The following R3HDM2 variants were observed in gnomAD, a reference collection of about 807,000 sequenced individuals.
R3HDM2 encodes the protein R3H domain containing 2, also known as R3H domain-containing protein 2.
Under a neutral mutation model 124.5 loss-of-function variants are expected in R3HDM2, and 38 were observed. The ratio of observed to expected loss-of-function variants is 0.31; its 90% CI spans 0.24 to 0.40. The LOEUF (loss-of-function observed/expected upper bound fraction) is 0.40. Ranked by LOEUF, R3HDM2 falls within the 10% of genes least tolerant of loss-of-function variation. R3HDM2 has a pLI of 1.00. For synonymous variants in R3HDM2, 391 were observed against 448.0 expected, an observed-to-expected ratio of 0.87 and a Z score of 1.61; for missense variants, 869 against 1,236.9, an observed-to-expected ratio of 0.70 and a Z score of 4.46.
At chr12:57,318,208 C>G (rs1566123593) in intron 2 of R3HDM2, among the ~76,000 whole-genome samples, 1 of 151,678 alleles carries the variant, frequency 6.6e-6, no homozygotes, top group Non-Finnish European at 1.5e-5. Flanking sequence ...AGGAGAATAG[C>G]TTGAACCCAG....
At chr12:57,362,495 A>G (rs1038009240) in intron 2 of R3HDM2, among the ~76,000 whole-genome samples, 1 of 152,214 alleles carries the variant, frequency 6.6e-6, no homozygotes, top group Non-Finnish European at 1.5e-5. Flanking sequence ...TGAACTGTTT[A>G]TGTTACTGGT....
At chr12:57,265,848 G>A (rs1198459837) in intron 19 of R3HDM2, among the ~76,000 whole-genome samples, 1 of 151,590 alleles carries the variant, frequency 6.6e-6, no homozygotes, top group Non-Finnish European at 1.5e-5. Flanking sequence ...CCAGGCTGGA[G>A]TGCAGTGGCG....
At chr12:57,339,314 C>T (rs572258720) in intron 2 of R3HDM2, among the ~76,000 whole-genome samples, 5 of 152,018 alleles carry the variant, frequency 3.3e-5, no homozygotes, top group African/African-American at 7.2e-5. Context: ...CAAATGGAGA[C>T]GTTAAATAAT....
At chr12:57,386,422 G>C (rs1429733473) in intron 2 of R3HDM2, among the ~76,000 whole-genome samples, 1 of 152,240 alleles carries the variant, frequency 6.6e-6, no homozygotes, top group African/African-American at 2.4e-5. Flanking sequence ...AGCCGGCCCC[G>C]CCCACCAGGG....
intron 1 of R3HDM2, among the ~76,000 whole-genome samples, chr12:57,424,313 A>G (rs772470961): frequency 6.6e-6 from 1 of 151,800 alleles, no homozygotes. Context: ...ATGTGATACC[A>G]TAACACCCAG....
chr12:57,414,362 G>A (rs1013119341), intron 1 of R3HDM2, among the ~76,000 whole-genome samples: 5 of 146,812 alleles, frequency 3.4e-5, no homozygotes, highest in East Asian at 2.1e-4. Context: ...ATGGTGATGC[G>A]CACCTGTCAT....
rs927429810 is a variant in R3HDM2, at chr12:57,295,565, G to A, written c.702-58C>T. The A allele has an allele frequency of 1.1e-5, 14 of 1,222,988 alleles. No homozygotes were observed. In the Admixed American group the frequency reaches 2.8e-4, roughly 24 times the overall value. 75.8% of individuals were successfully genotyped at this position (1,222,988 alleles called of 1,614,324 possible). On this transcript the variant is annotated intron_variant, in intron 9 of 23. Transcript: ENST00000402412. ...AGGACAAAGACCGTTTTGTTAGGAA[G>A]CAGACCTATTAGGTACAGCTCTCCT...
chr12:57,371,002 GA>G (rs1448883450), intron 2 of R3HDM2, among the ~76,000 whole-genome samples: 1 of 142,982 alleles, frequency 7.0e-6, no homozygotes, highest in Non-Finnish European at 1.5e-5. Flanking sequence ...AGCAGCAACA[GA>G]AGACCAAAAT....
chr12:57,320,739 C>T (rs1351994718), intron 2 of R3HDM2, among the ~76,000 whole-genome samples: 1 of 151,998 alleles, frequency 6.6e-6, no homozygotes, highest in East Asian at 1.9e-4. Context: ...AGGGTAAGTA[C>T]CTTCCATAAT....
chr12:57,338,766 C>T (rs1213619119), intron 2 of R3HDM2, among the ~76,000 whole-genome samples: 1 of 151,444 alleles, frequency 6.6e-6, no homozygotes, highest in Non-Finnish European at 1.5e-5. Flanking sequence ...TCAAAAATTA[C>T]ATGTGATCTG....
chr12:57,386,844 T>G (rs2065908238), intron 2 of R3HDM2, among the ~76,000 whole-genome samples: 1 of 152,180 alleles, frequency 6.6e-6, no homozygotes. Context: ...CAGCACCCTG[T>G]GTCTAGCTCA....
In R3HDM2 at chr12:57,303,224, G is replaced by T; in HGVS notation, c.166-7C>A. ...CATGGTTAGATGTCCGCCTCTGTTA[G>T]AAGGGAATTGGAAAATATTAAAGGT... On this transcript the variant is annotated splice_polypyrimidine_tract_variant and splice_region_variant and intron_variant, in intron 3 of 23. Coordinates refer to ENST00000402412, the MANE Select transcript of R3HDM2 (RefSeq NM_001394031.1). 6.6e-7 allele frequency: 1 copy of T among 1,520,656 alleles called. No homozygotes were observed. Among genetic ancestry groups the T allele is most frequent in the Non-Finnish European group, 8.9e-7 (1 of 1,118,828 alleles). The allele number at this position is 1,520,656 out of a possible 1,614,324, so 94.2% of individuals were successfully genotyped here.
intron 6 of R3HDM2, among the ~76,000 whole-genome samples, chr12:57,298,754 A>G (rs2050445381): frequency 6.6e-6 from 1 of 151,810 alleles, no homozygotes; most frequent in East Asian, 1.9e-4. Flanking sequence ...CTGAGGTTAG[A>G]AGTTCAAGAC....
At chr12:57,284,356 G>A (rs1365713118) in intron 12 of R3HDM2, among the ~76,000 whole-genome samples, 2 of 152,166 alleles carry the variant, frequency 1.3e-5, no homozygotes, top group Non-Finnish European at 2.9e-5. Context: ...GATTGGCTGT[G>A]GTCTCTTCCC....
chr12:57,341,486 C>A (rs2136975233), intron 2 of R3HDM2: 1 of 858,740 alleles, frequency 1.2e-6, no homozygotes, highest in South Asian at 5.4e-5. Context: ...TAGAGGGAAT[C>A]CCATCTCTGC....
At chr12:57,281,116 G>A (rs1457162722) in intron 13 of R3HDM2, among the ~76,000 whole-genome samples, 4 of 151,914 alleles carry the variant, frequency 2.6e-5, no homozygotes, top group Middle Eastern at 3.4e-3. Context: ...GTGAAACTCC[G>A]TCTCTACTGA....
chr12:57,276,647 G>C (rs1398978262), intron 14 of R3HDM2, among the ~76,000 whole-genome samples: 2 of 152,214 alleles, frequency 1.3e-5, no homozygotes, highest in African/African-American at 4.8e-5. Context: ...CAGCACTTTG[G>C]GAGGCCAAGG....
intron 2 of R3HDM2, among the ~76,000 whole-genome samples, chr12:57,387,030 T>C (rs990880824): frequency 6.6e-6 from 1 of 152,064 alleles, no homozygotes; most frequent in Non-Finnish European, 1.5e-5. Context: ...GGGCTGCATA[T>C]AGCTAATCTA....
intron 2 of R3HDM2, among the ~76,000 whole-genome samples, chr12:57,312,765 C>A (rs1207111311): frequency 6.6e-6 from 1 of 151,652 alleles, no homozygotes; most frequent in Non-Finnish European, 1.5e-5. Context: ...GCCTTAAATT[C>A]TTTCCTTTAT....
Sources: gnomAD v4.1 joint callset for allele counts (sites outside exome capture counted in the v4.1 genomes callset) on GRCh38, gnomAD v4.1.1 for gene constraint, MANE v1.5 for transcripts, NCBI Gene and HGNC (gene_info 2026-07-23, HGNC 2026-07-21) for gene names.